Variants in COL24A1 observed in about 807,000 individuals in gnomAD.
The protein encoded by COL24A1 is collagen alpha-1(XXIV) chain.
Under a neutral mutation model 253.9 loss-of-function variants are expected in COL24A1, and 224 were observed. The ratio of observed to expected loss-of-function variants is 0.88; its 90% CI spans 0.79 to 0.99. The LOEUF (loss-of-function observed/expected upper bound fraction) is 0.99. Ranked by LOEUF, COL24A1 falls within the 50% of genes least tolerant of loss-of-function variation. The pLI is 0.00. For synonymous variants in COL24A1, 685 were observed against 673.7 expected (o/e 1.02, Z -0.26); for missense variants, 2,131 against 2,068.5 (o/e 1.03, Z -0.59).
intron 43 of COL24A1, among the ~76,000 whole-genome samples, chr1:85,830,052 T>G: frequency 6.6e-6 from 1 of 152,012 alleles, no homozygotes; most frequent in Non-Finnish European, 1.5e-5. Flanking sequence ...ATCTTTGTGG[T>G]TTTATCTACT....
chr1:85,898,493 C>T (rs1400380385), intron 28 of COL24A1, among the ~76,000 whole-genome samples: 1 of 152,168 alleles, frequency 6.6e-6, no homozygotes, highest in African/African-American at 2.4e-5. Flanking sequence ...ATTCAAGGTA[C>T]TCCATAATCT....
chr1:86,142,806 C>T (rs1651349146), intron 2 of COL24A1, among the ~76,000 whole-genome samples: 1 of 151,984 alleles, frequency 6.6e-6, no homozygotes, highest in Admixed American at 6.6e-5. Context: ...ACTGAAAAGG[C>T]CTACTAAGTG....
At chr1:85,816,353 T>C (rs1673037809) in intron 47 of COL24A1, among the ~76,000 whole-genome samples, 2 of 152,234 alleles carry the variant, frequency 1.3e-5, no homozygotes, top group South Asian at 4.2e-4. Flanking sequence ...AGAGAAAATA[T>C]TCACACAATT....
chr1:85,741,400 G>T (rs1300695513), intron 57 of COL24A1, among the ~76,000 whole-genome samples: 1 of 152,184 alleles, frequency 6.6e-6, no homozygotes, highest in Non-Finnish European at 1.5e-5. Flanking sequence ...CTGACAGTAT[G>T]TGGGAGTTCC....
At chr1:85,805,056 G>A (rs1041366924) in intron 47 of COL24A1, among the ~76,000 whole-genome samples, 1 of 152,116 alleles carries the variant, frequency 6.6e-6, no homozygotes, top group East Asian at 1.9e-4. Flanking sequence ...GCCCAGGTTG[G>A]TGTTGAAGTC....
intron 7 of COL24A1, among the ~76,000 whole-genome samples, chr1:86,072,938 A>G (rs1701977136): frequency 6.6e-6 from 1 of 152,206 alleles, no homozygotes; most frequent in South Asian, 2.1e-4. Context: ...CAAAACCAAC[A>G]AAAAGGATGT....
intron 37 of COL24A1, among the ~76,000 whole-genome samples, chr1:85,857,740 T>C (rs190073022): frequency 3.9e-5 from 6 of 152,300 alleles, no homozygotes; most frequent in African/African-American, 1.2e-4. Context: ...ACTACTACTT[T>C]ATATGATTAG....
At chr1:85,981,483 C>CA (rs1420819531) in intron 20 of COL24A1, among the ~76,000 whole-genome samples, 6 of 152,034 alleles carry the variant, frequency 3.9e-5, no homozygotes, top group Non-Finnish European at 7.4e-5. Flanking sequence ...TCATCTTACA[C>CA]AAAAAATCAC....
chr1:85,874,726 A>G lies in COL24A1; in HGVS notation c.3085-24T>C, dbSNP rs187387894. 29 of 1,610,660 alleles carry G rather than the reference A, an allele frequency of 1.8e-5. No homozygotes were observed. In the Admixed American group the frequency reaches 4.5e-4, roughly 25 times the overall value. On this transcript the variant is annotated intron_variant, in intron 34 of 59. Transcript: ENST00000370571. Reference sequence around the variant, plus strand: ...CCCTGAAGAAACAAAGGGAAAGATTAAACTCTTTTCTACTAAGACTGCATG... The same window carrying G: ...CCCTGAAGAAACAAAGGGAAAGATTGAACTCTTTTCTACTAAGACTGCATG...
intron 59 of COL24A1, among the ~76,000 whole-genome samples, chr1:85,733,469 A>G (rs995716783): frequency 3.3e-5 from 5 of 152,324 alleles, no homozygotes; most frequent in African/African-American, 1.2e-4. Flanking sequence ...ATAAAAATTT[A>G]TTCACAAAAA....
intron 47 of COL24A1, among the ~76,000 whole-genome samples, chr1:85,804,524 G>T (rs1348047134): frequency 2.0e-5 from 3 of 152,158 alleles, no homozygotes; most frequent in Admixed American, 6.5e-5. Context: ...AAAGAAAGAG[G>T]TTTATTACAG....
intron 57 of COL24A1, among the ~76,000 whole-genome samples, chr1:85,743,589 C>T (rs1174771775): frequency 6.6e-6 from 1 of 152,090 alleles, no homozygotes; most frequent in Non-Finnish European, 1.5e-5. Context: ...CAATCCACAC[C>T]ATTTAGCTAT....
At chr1:86,090,434 TG>T (rs1237155009) in intron 6 of COL24A1, among the ~76,000 whole-genome samples, 1 of 152,200 alleles carries the variant, frequency 6.6e-6, no homozygotes, top group Admixed American at 6.5e-5. Flanking sequence ...ACCTTGTGTA[TG>T]ATCTATTACA....
intron 2 of COL24A1, among the ~76,000 whole-genome samples, chr1:86,138,807 G>T (rs10493783): frequency 0.8 from 121,217 of 151,982 alleles, 49,425 homozygotes; most frequent in Admixed American, 0.88. Flanking sequence ...CTCTCTGTAT[G>T]TACTCTTCCT....
chr1:85,972,265 G>T (rs1008818210), intron 20 of COL24A1, among the ~76,000 whole-genome samples: 2 of 152,010 alleles, frequency 1.3e-5, no homozygotes. Context: ...CTATACCAAA[G>T]AGCAAATCTA....
intron 18 of COL24A1, among the ~76,000 whole-genome samples, chr1:86,018,116 T>A (rs1031044142): frequency 6.6e-6 from 1 of 152,220 alleles, no homozygotes; most frequent in African/African-American, 2.4e-5. Flanking sequence ...GAAAAACTAT[T>A]GCATTCATTA....
intron 7 of COL24A1, among the ~76,000 whole-genome samples, chr1:86,085,182 G>A (rs924019487): frequency 2.6e-5 from 4 of 151,998 alleles, no homozygotes; most frequent in Non-Finnish European, 5.9e-5. Flanking sequence ...ATACTTTTGG[G>A]GTGACTGATA....
At chr1:85,773,250 C>T (rs572107529) in intron 53 of COL24A1, among the ~76,000 whole-genome samples, 2 of 152,248 alleles carry the variant, frequency 1.3e-5, no homozygotes, top group African/African-American at 4.8e-5. Context: ...GGTAACAGTA[C>T]CATGCTGTTT....
chr1:85,776,006 T>C (rs1161019073), intron 52 of COL24A1, among the ~76,000 whole-genome samples: 1 of 152,194 alleles, frequency 6.6e-6, no homozygotes, highest in Non-Finnish European at 1.5e-5. Flanking sequence ...CTGACAATCA[T>C]ATACAAAGCA....
Sources: allele counts gnomAD v4.1 joint callset (sites outside exome capture counted in the v4.1 genomes callset), GRCh38; gene constraint gnomAD v4.1.1; transcripts MANE v1.5; gene names NCBI Gene and HGNC (gene_info 2026-07-23, HGNC 2026-07-21).